C5: variants seen among roughly 807,000 people sequenced by gnomAD.
C5 encodes C3 and PZP-like alpha-2-macroglobulin domain-containing protein 4.
C5 carries 140 observed loss-of-function variants against 218.8 expected under a neutral mutation model. The ratio of observed to expected loss-of-function variants is 0.64; its 90% CI spans 0.56 to 0.74. The LOEUF (loss-of-function observed/expected upper bound fraction) is 0.74. Among genes scored for constraint, C5 ranks in the 30% least tolerant of loss-of-function variants. The probability of loss-of-function intolerance (pLI) is 0.00; values close to 1 mark genes in which losing one functional copy is unlikely to be tolerated. For missense variants in C5, 1,700 were observed against 1,969.6 expected, an observed-to-expected ratio of 0.86 and a Z score of 2.59; for synonymous variants, 614 against 682.3, an observed-to-expected ratio of 0.90 and a Z score of 1.56.
intron 7 of C5, among the ~76,000 whole-genome samples, chr9:121,028,636 C>T (rs1221202114): frequency 6.6e-6 from 1 of 152,014 alleles, no homozygotes; most frequent in Non-Finnish European, 1.5e-5. Flanking sequence ...CAGGTGGGAA[C>T]TGAACAATGA....
At position 120,952,853 on chromosome 9, in the gene C5, T is replaced by C. The variant is rs369355126; in HGVS notation, c.4917A>G (p.Leu1639=). 9.4e-5 allele frequency: 152 copies of C among 1,613,858 alleles called. 1 individual carries two copies. Among genetic ancestry groups the C allele is most frequent in the Non-Finnish European group, 1.3e-4 (149 of 1,179,936 alleles). The change falls in exon 41 of 41, where the codon TTA becomes TTG. Residue 1639 remains leucine, a synonymous_variant. Coordinates refer to ENST00000223642, the MANE Select transcript of C5 (RefSeq NM_001735.3). ...YNFSFRYIYP[L]DSLTWIEYWP... ...AGTATTCAATCCAGGTCAAGGAATC[T>C]AAAGGGTAGATGTACCTACCAAGAA... is the stretch of plus-strand genomic sequence containing the variant.
At chr9:121,039,733 C>A (rs1239423829) in intron 3 of C5, among the ~76,000 whole-genome samples, 1 of 152,182 alleles carries the variant, frequency 6.6e-6, no homozygotes, top group East Asian at 1.9e-4. Flanking sequence ...ACTGCAAACT[C>A]CACCTCCTGG....
In C5 at chr9:120,982,742, A is replaced by G. The variant is rs145979468; in HGVS notation, c.3303T>C (p.Cys1101=). The G allele has an allele frequency of 2.2e-4, 352 of 1,606,478 alleles. 1 individual carries two copies. In the African/African-American group the frequency reaches 4.2e-3, roughly 19 times the overall value. Residue 1101 remains cysteine, a synonymous_variant, in exon 26 of 41, where the codon TGT becomes TGC. Transcript: ENST00000223642. ...KYVEQNQNSI[C]NSLLWLVENY... ...TCTCAACTAGCCACAATAAAGAATT[A>G]CAAATTGAATTTTGGTTCTGCTCTA...
chr9:121,025,736 C>T (rs2047416360), intron 8 of C5, 156 bp from the exon 9 acceptor site: 2 of 641,172 alleles, frequency 3.1e-6, no homozygotes, highest in Non-Finnish European at 5.4e-6. Flanking sequence ...CACGATTAAG[C>T]CCAGGATGTT....
chr9:120,993,484 G>A (rs943473828), intron 22 of C5, among the ~76,000 whole-genome samples: 13 of 152,266 alleles, frequency 8.5e-5, no homozygotes, highest in South Asian at 8.3e-4. Context: ...GTGCAGTGGC[G>A]TGATCTTGGC....
chr9:120,990,052 A>C (rs970222456), intron 23 of C5, among the ~76,000 whole-genome samples: 3 of 152,220 alleles, frequency 2.0e-5, no homozygotes, highest in Non-Finnish European at 4.4e-5. Flanking sequence ...ATGGCAAATT[A>C]GTTGCCATTC....
At chr9:121,008,953 C>A (rs1564149469) in intron 17 of C5, among the ~76,000 whole-genome samples, 1 of 151,792 alleles carries the variant, frequency 6.6e-6, no homozygotes, top group Non-Finnish European at 1.5e-5. Context: ...AACAAACAAA[C>A]AAACTATAAA....
At chr9:121,055,506 CA>C in the C5 span, among the ~76,000 whole-genome samples, 1 of 152,046 alleles carries the variant, frequency 6.6e-6, no homozygotes, top group Non-Finnish European at 1.5e-5. Flanking sequence ...GAGAAGAGCA[CA>C]GAGGACTTTG....
chr9:121,016,953 T>C (rs889712415), intron 14 of C5, among the ~76,000 whole-genome samples: 1 of 152,188 alleles, frequency 6.6e-6, no homozygotes, highest in African/African-American at 2.4e-5. Context: ...TAGGAACTTA[T>C]GAGAATTGAA....
At chr9:120,977,513 T>C (rs772721967) in intron 28 of C5, among the ~76,000 whole-genome samples, 2 of 152,172 alleles carry the variant, frequency 1.3e-5, no homozygotes, top group Non-Finnish European at 2.9e-5. Flanking sequence ...TGGAGTGCAG[T>C]GGTGTGATTG....
the C5 span, among the ~76,000 whole-genome samples, chr9:121,061,930 C>T: frequency 6.6e-6 from 1 of 152,338 alleles, no homozygotes; most frequent in East Asian, 1.9e-4. Flanking sequence ...GAAAAAGAAA[C>T]TGTGAATTAT....
intron 4 of C5, among the ~76,000 whole-genome samples, chr9:121,037,302 GTT>G (rs201849062): frequency 8.0e-5 from 11 of 136,722 alleles, no homozygotes; most frequent in East Asian, 4.2e-4. Flanking sequence ...TTGTTTTTTG[GTT>G]TTTTTTTTTT....
chr9:120,962,982 AG>A lies in C5; in HGVS notation c.4324-16del, dbSNP rs780059425. On this transcript the variant is annotated splice_polypyrimidine_tract_variant and intron_variant, in intron 34 of 40. Transcript: ENST00000223642. ...CCTTCCACAAGCTAAGGGGGAAAAGAGAGAAGCTTGAATTTCATTTCATTAT... is the reference window on the plus strand; with the variant it reads ...CCTTCCACAAGCTAAGGGGGAAAAGAAGAAGCTTGAATTTCATTTCATTAT... 17 of 1,598,496 alleles carry A rather than the reference AG, an allele frequency of 1.1e-5. No homozygotes were observed. In the Admixed American group the frequency reaches 1.7e-4, roughly 16 times the overall value.
chr9:121,061,188 A>G, the C5 span, among the ~76,000 whole-genome samples: 6 of 152,194 alleles, frequency 3.9e-5, no homozygotes, highest in South Asian at 2.1e-4. Context: ...ACTCTGTCTC[A>G]AAAATAATAA....
At chr9:121,002,308 A>ATGTGTGTGTGTG (rs71370613) in intron 20 of C5, among the ~76,000 whole-genome samples, 42 of 66,924 alleles carry the variant, frequency 6.3e-4, no homozygotes, top group East Asian at 3.4e-3. Flanking sequence ...GTATATATAT[A>ATGTGTGTGTGTG]TGTGTGTGTA....
chr9:120,989,093 A>G lies in C5; in HGVS notation c.3183T>C (p.Asn1061=), dbSNP rs1239911174. Residue 1061 remains asparagine (N), a synonymous_variant, in exon 25 of 41, where the codon AAT becomes AAC. Coordinates refer to ENST00000223642, the MANE Select transcript of C5 (RefSeq NM_001735.3). ...TCCACACACTGTAAGAGTAGTCAGC[A>G]TTTCTGTAGGACATAATGCTCAACA... ...EGMLSIMSYR[N]ADYSYSVWKG... 1.2e-6 allele frequency: 2 copies of G among 1,613,968 alleles called. No homozygotes were observed. The highest frequency in any genetic ancestry group is 4.5e-5 in the East Asian group (2 of 44,886).
At chr9:121,036,533 TCAGA>T (rs1248254768) in intron 4 of C5, among the ~76,000 whole-genome samples, 1 of 152,232 alleles carries the variant, frequency 6.6e-6, no homozygotes, top group African/African-American at 2.4e-5. Flanking sequence ...TAGTTCTCTT[TCAGA>T]CATTCTATCA....
chr9:121,058,882 T>C, the C5 span, among the ~76,000 whole-genome samples: 1 of 152,214 alleles, frequency 6.6e-6, no homozygotes, highest in Admixed American at 6.5e-5. Context: ...GTGACATAAT[T>C]GAATACCTAG....
chr9:120,960,859 GGGA>G lies in C5; in HGVS notation c.4589-525_4589-523del, dbSNP rs879371942. 6.6e-3 allele frequency among the ~76,000 whole-genome samples: 1,010 copies of G among 152,282 alleles called. 3 individuals are homozygous for G. The highest frequency in any genetic ancestry group is 0.011 in the Non-Finnish European group (764 of 68,020). On this transcript the variant is annotated intron_variant, in intron 37 of 40. Transcript: ENST00000223642. ...TGTATGTGGTTCCCTTGATGAAAGG[GGGA>G]AATTTTCCATTTTGAGTATAATCAG...
Sources: gnomAD v4.1 joint callset for allele counts (sites outside exome capture counted in the v4.1 genomes callset) on GRCh38, gnomAD v4.1.1 for gene constraint, MANE v1.5 for transcripts, NCBI Gene and HGNC (gene_info 2026-07-23, HGNC 2026-07-21) for gene names.